CAMTA1: variants seen among roughly 807,000 people sequenced by gnomAD.
CAMTA1 encodes calmodulin-binding transcription activator 1.
A neutral mutation model predicts 170.9 loss-of-function variants in CAMTA1; 27 were observed. That is an observed-to-expected ratio of 0.16 (90% CI 0.12 to 0.22). The LOEUF (loss-of-function observed/expected upper bound fraction) is 0.22, where lower values mean the gene tolerates loss of function less well. Ranked by LOEUF, CAMTA1 falls within the 10% of genes least tolerant of loss-of-function variation. CAMTA1 has a pLI of 1.00. For missense variants in CAMTA1, 1,619 were observed against 2,217.2 expected, an observed-to-expected ratio of 0.73 and a Z score of 5.42; for synonymous variants, 833 against 891.5, an observed-to-expected ratio of 0.93 and a Z score of 1.17.
At chr1:7,448,769 G>A (rs576257752) in intron 5 of CAMTA1, among the ~76,000 whole-genome samples, 1 of 152,298 alleles carries the variant, frequency 6.6e-6, no homozygotes, top group African/African-American at 2.4e-5. Flanking sequence ...CAAGGGCTCT[G>A]TCCCCATGAC....
chr1:7,028,377 G>A (rs1049111891), intron 3 of CAMTA1, among the ~76,000 whole-genome samples: 1 of 151,940 alleles, frequency 6.6e-6, no homozygotes, highest in Non-Finnish European at 1.5e-5. Flanking sequence ...TGGACCTAAA[G>A]CCAGAAATCA....
Position 7,506,895 on chromosome 1 carries a change from CTA to C in CAMTA1, c.510+38996_510+38997del, listed in dbSNP as rs576339347. On this transcript the variant is annotated intron_variant, in intron 6 of 22. Transcript: ENST00000303635. Reference sequence around the variant, plus strand: ...TTCATACTAACACTCAAAATTCACACTATCTCTTGCTCACACTCAAAATTCAC... The same window carrying C: ...TTCATACTAACACTCAAAATTCACACTCTCTTGCTCACACTCAAAATTCAC... Among the ~76,000 whole-genome samples, 371 of 152,192 alleles carry C rather than the reference CTA, an allele frequency of 2.4e-3. 1 individual carries two copies. The highest frequency in any genetic ancestry group is 4.0e-3 in the Non-Finnish European group (271 of 68,018).
rs2091886512 is a variant in CAMTA1 at position 7,426,602 on chromosome 1, A to C, written c.439-41228A>C. Among the ~76,000 whole-genome samples, 1 of 152,150 alleles carries C rather than the reference A, an allele frequency of 6.6e-6. No individual in the cohort carries two copies. The highest frequency in any genetic ancestry group is 6.5e-5 in the Admixed American group (1 of 15,274). ...TTCGAGGTTTGGCAAATCCATAATT[A>C]ATCAGCCTGGCTCAGAGCTTCTGTG... is the stretch of plus-strand genomic sequence containing the variant. On this transcript the variant is annotated intron_variant, in intron 5 of 22. Coordinates refer to ENST00000303635, the MANE Select transcript of CAMTA1 (RefSeq NM_015215.4). The surrounding 1 kb of genome is among the most constrained non-coding windows in gnomAD (Gnocchi z 4.8).
chr1:7,128,261 G>T (rs1418255002), intron 4 of CAMTA1, among the ~76,000 whole-genome samples: 1 of 152,112 alleles, frequency 6.6e-6, no homozygotes, highest in Non-Finnish European at 1.5e-5. Context: ...GTCTCCTTTT[G>T]CTATAATAAG....
intron 3 of CAMTA1, among the ~76,000 whole-genome samples, chr1:7,015,203 T>A (rs1407471354): frequency 6.6e-6 from 1 of 152,158 alleles, no homozygotes; most frequent in Non-Finnish European, 1.5e-5. Flanking sequence ...CCCTCCATGG[T>A]GACTGTGTTG....
In CAMTA1 at chr1:7,561,547, G is replaced by A. The variant is rs1281801804; in HGVS notation, c.511-78853G>A. Among the ~76,000 whole-genome samples the A allele has an allele frequency of 4.6e-5, 7 of 151,996 alleles. No homozygotes were observed. Among genetic ancestry groups the A allele is most frequent in the East Asian group, 2.0e-4 (1 of 5,092 alleles). ...GAGAAAGCCTCTTGCCTGTAAACTC[G>A]TTGCAGGCGCAGGGATGGGCTGGTT... On this transcript the variant is annotated intron_variant, in intron 6 of 22. Coordinates refer to ENST00000303635, the MANE Select transcript of CAMTA1 (RefSeq NM_015215.4). The surrounding 1 kb of genome is among the most constrained non-coding windows in gnomAD (Gnocchi z 5.3).
chr1:7,424,418 C>T (rs1246875164), intron 5 of CAMTA1, among the ~76,000 whole-genome samples: 1 of 144,662 alleles, frequency 6.9e-6, no homozygotes, highest in Admixed American at 7.3e-5. Context: ...TTTCATGAAG[C>T]AGCATTCCTG....
At chr1:7,704,595 C>T (rs1375676094) in intron 11 of CAMTA1, among the ~76,000 whole-genome samples, 2 of 148,786 alleles carry the variant, frequency 1.3e-5, no homozygotes, top group Non-Finnish European at 1.5e-5. Context: ...CCCGCACCAG[C>T]CTCTGCCCGG....
At chr1:7,373,429 C>G (rs1419147312) in intron 5 of CAMTA1, among the ~76,000 whole-genome samples, 1 of 152,230 alleles carries the variant, frequency 6.6e-6, no homozygotes, top group East Asian at 1.9e-4. Context: ...GGCCTAGGCA[C>G]TGTGCGCAGA....
chr1:6,884,827 ATCTCCTAGGAG>A (rs1329132286), intron 3 of CAMTA1, among the ~76,000 whole-genome samples: 1 of 152,186 alleles, frequency 6.6e-6, no homozygotes, highest in East Asian at 1.9e-4. Flanking sequence ...ACCTTTGGAA[ATCTCCTAGGAG>A]CATGTAGAGA....
At chr1:7,136,819 C>T (rs12090163) in intron 4 of CAMTA1, among the ~76,000 whole-genome samples, 75,502 of 151,998 alleles carry the variant, frequency 0.5, 18,903 homozygotes, top group Middle Eastern at 0.59. Flanking sequence ...TCCTCAGAGA[C>T]TGCTCCTTCT....
Position 7,289,448 on chromosome 1 carries a change from G to A in CAMTA1, c.438+39822G>A, listed in dbSNP as rs531515701. On this transcript the variant is annotated intron_variant, in intron 5 of 22. Coordinates refer to ENST00000303635, the MANE Select transcript of CAMTA1 (RefSeq NM_015215.4). ...GGAGAGGAAGGGGCACCCTGTCCTC[G>A]GAGGCAGGTGAGAAAGAGGAACAGG... is the stretch of plus-strand genomic sequence containing the variant. Among the ~76,000 whole-genome samples the A allele has an allele frequency of 3.9e-3, 588 of 152,228 alleles. 2 individuals are homozygous for A. The highest frequency in any genetic ancestry group is 0.013 in the African/African-American group (549 of 41,512).
rs1052333277 is a variant in CAMTA1, at chr1:6,938,079, C to A, written c.234+112869C>A. The stretch of plus-strand genomic sequence containing the variant: ...ACAGAACTAGGACTTGAAGCCAGGA[C>A]TTGGAGTCCACTCTCATAGCCATAC... On this transcript the variant is annotated intron_variant, in intron 3 of 22. Coordinates refer to ENST00000303635, the MANE Select transcript of CAMTA1 (RefSeq NM_015215.4). Among the ~76,000 whole-genome samples, 6 of 152,202 alleles carry A rather than the reference C, an allele frequency of 3.9e-5. No individual in the cohort carries two copies. The East Asian group carries it at 1.2e-3, about 29-fold the overall frequency.
intron 3 of CAMTA1, chr1:6,888,226 C>T: frequency 5.1e-6 from 5 of 985,948 alleles, no homozygotes; most frequent in Non-Finnish European, 6.0e-6. Context: ...GCGTCGCATC[C>T]TTTCTGAATG....
chr1:6,994,073 T>C (rs925438684), intron 3 of CAMTA1, among the ~76,000 whole-genome samples: 2 of 152,208 alleles, frequency 1.3e-5, no homozygotes, highest in African/African-American at 2.4e-5. Flanking sequence ...TATCACTTTA[T>C]GTAAATTATA....
intron 3 of CAMTA1, among the ~76,000 whole-genome samples, chr1:6,917,971 G>A (rs1289965192): frequency 1.3e-5 from 2 of 152,162 alleles, no homozygotes; most frequent in African/African-American, 2.4e-5. Context: ...GACCAAGGTG[G>A]AGAGGCAAGA....
Position 7,467,650 on chromosome 1 carries a change from G to A in CAMTA1, c.439-180G>A, listed in dbSNP as rs561141149. 1.2e-4 allele frequency among the ~76,000 whole-genome samples: 19 copies of A among 152,262 alleles called. No individual in the cohort carries two copies. In the East Asian group the frequency reaches 3.1e-3, roughly 25 times the overall value. Reference sequence around the variant, plus strand: ...GGCTGGTGTGTCCCCACGGGGCTTCGTAGGTGCTGTCCCAGAGCCTTAGTC... The same window carrying A: ...GGCTGGTGTGTCCCCACGGGGCTTCATAGGTGCTGTCCCAGAGCCTTAGTC... On this transcript the variant is annotated intron_variant, in intron 5 of 22. Transcript: ENST00000303635.
chr1:6,902,078 A>AAAAAAAAT (rs1289084830), intron 3 of CAMTA1, among the ~76,000 whole-genome samples: 2 of 86,498 alleles, frequency 2.3e-5, no homozygotes, highest in African/African-American at 7.0e-5. Flanking sequence ...CACACAAAAA[A>AAAAAAAAT]AAAAATAAAA....
In CAMTA1 at chr1:7,155,227, G is replaced by T. The variant is rs547229912; in HGVS notation, c.302+63856G>T. ...GTGGACAGGCAGGAAGGTGGCCTCG[G>T]GGGGAAGGGGACAGGGCAGAATGAG... On this transcript the variant is annotated intron_variant, in intron 4 of 22. Coordinates refer to ENST00000303635, the MANE Select transcript of CAMTA1 (RefSeq NM_015215.4). 2.8e-4 allele frequency among the ~76,000 whole-genome samples: 42 copies of T among 152,224 alleles called. No individual in the cohort carries two copies. The South Asian group carries it at 4.6e-3, about 17-fold the overall frequency.
Sources: allele counts gnomAD v4.1 joint callset (sites outside exome capture counted in the v4.1 genomes callset), GRCh38; gene constraint gnomAD v4.1.1; non-coding constraint Gnocchi (gnomAD v3.1); transcripts MANE v1.5; gene names NCBI Gene and HGNC (gene_info 2026-07-23, HGNC 2026-07-21).